Variants in LAMA4 observed in about 807,000 individuals in gnomAD.
LAMA4 encodes the protein laminin subunit alpha-4.
A neutral mutation model predicts 207.1 loss-of-function variants in LAMA4; 127 were observed. That is an observed-to-expected ratio of 0.61 (90% CI 0.53 to 0.71). The LOEUF (loss-of-function observed/expected upper bound fraction) is 0.71. LAMA4 is among the 30% of genes least tolerant of loss of function. The pLI is 0.00. For missense variants in LAMA4, 2,093 were observed against 2,246.5 expected, an observed-to-expected ratio of 0.93 and a Z score of 1.38; for synonymous variants, 761 against 816.0, an observed-to-expected ratio of 0.93 and a Z score of 1.15.
chr6:112,173,416 T>C (rs1453053527), intron 11 of LAMA4, among the ~76,000 whole-genome samples: 3 of 152,254 alleles, frequency 2.0e-5, no homozygotes, highest in African/African-American at 7.2e-5. Context: ...AATATTAGCT[T>C]GTCTTGTTGA....
In LAMA4 at chr6:112,253,903, GC is replaced by G. The variant is rs1219170240; in HGVS notation, c.195+52del. On this transcript the variant is annotated intron_variant, in intron 2 of 38. Transcript: ENST00000230538. ...GAGAGAGAAGGACGAGTGTGGCACA[GC>G]CCGCGGGGGCGCAGGTGCCCCAGCA... The G allele has an allele frequency of 3.7e-6, 6 of 1,613,418 alleles. No homozygotes were observed. In the Admixed American group the frequency reaches 6.7e-5, roughly 18 times the overall value.
chr6:112,174,109 G>A (rs1781877953), intron 11 of LAMA4, among the ~76,000 whole-genome samples: 2 of 152,210 alleles, frequency 1.3e-5, no homozygotes, highest in East Asian at 3.9e-4. Flanking sequence ...TGATTGTGTA[G>A]ATTAAACCAA....
At chr6:112,233,262 AT>A (rs1201225581) in intron 2 of LAMA4, among the ~76,000 whole-genome samples, 4 of 152,208 alleles carry the variant, frequency 2.6e-5, no homozygotes, top group African/African-American at 7.2e-5. Context: ...GGATTTCAGT[AT>A]TTGGTATGGT....
chr6:112,167,847 CA>C (rs1554340510), intron 12 of LAMA4, among the ~76,000 whole-genome samples: 15 of 22,098 alleles, frequency 6.8e-4, no homozygotes, highest in Non-Finnish European at 2.3e-4. Flanking sequence ...CCATCACACA[CA>C]CACACACACA....
At chr6:112,211,881 C>T (rs781802481) in intron 3 of LAMA4, among the ~76,000 whole-genome samples, 10 of 152,102 alleles carry the variant, frequency 6.6e-5, no homozygotes, top group South Asian at 2.1e-4. Flanking sequence ...TTTTGAAAGA[C>T]GTCTCCATTG....
At chr6:112,249,441 C>CAAAA (rs71762704) in intron 2 of LAMA4, among the ~76,000 whole-genome samples, 3 of 52,752 alleles carry the variant, frequency 5.7e-5, no homozygotes, top group Non-Finnish European at 7.8e-5. Flanking sequence ...GACTCTGTTT[C>CAAAA]AAAAAAAAAA....
chr6:112,154,357 C>CAA (rs55988988), intron 16 of LAMA4, among the ~76,000 whole-genome samples: 28,107 of 119,618 alleles, frequency 0.23, 2,708 homozygotes, highest in East Asian at 0.39. Context: ...ACACAAACTA[C>CAA]AAAAAAAAAA....
chr6:112,169,497 C>A (rs1268268050), intron 12 of LAMA4, among the ~76,000 whole-genome samples: 1 of 152,178 alleles, frequency 6.6e-6, no homozygotes, highest in Non-Finnish European at 1.5e-5. Context: ...AAATAAATCC[C>A]TTTTAAGGAC....
At chr6:112,191,565 T>C in intron 6 of LAMA4, 71 bp downstream of exon 6, 1 of 1,129,790 alleles carries the variant, frequency 8.9e-7, no homozygotes, top group Non-Finnish European at 1.3e-6. Flanking sequence ...AGAGAAATTC[T>C]TCATCTAAAT....
At chr6:112,252,335 C>T (rs9481242) in intron 2 of LAMA4, among the ~76,000 whole-genome samples, 199 of 152,264 alleles carry the variant, frequency 1.3e-3, no homozygotes, top group African/African-American at 4.6e-3. Flanking sequence ...TATTATTTCA[C>T]CAAACATATG....
intron 2 of LAMA4, among the ~76,000 whole-genome samples, chr6:112,250,149 A>C (rs782789363): frequency 4.6e-4 from 70 of 152,202 alleles, no homozygotes; most frequent in Non-Finnish European, 2.8e-4. Flanking sequence ...TACCTAATTG[A>C]ATTGTTGGAA....
At chr6:112,190,939 C>CTT (rs1188045214) in intron 6 of LAMA4, among the ~76,000 whole-genome samples, 3 of 46,014 alleles carry the variant, frequency 6.5e-5, no homozygotes, top group East Asian at 6.0e-4. Context: ...TTCTTTCTTT[C>CTT]TTTCTTTCCT....
chr6:112,143,284 C>CTTT (rs61620762), intron 19 of LAMA4, among the ~76,000 whole-genome samples: 1,569 of 124,866 alleles, frequency 0.013, 38 homozygotes, highest in East Asian at 0.073. Context: ...AAAACTAATA[C>CTTT]TTTTTTTTTT....
At chr6:112,183,882 C>T (rs1209763602) in intron 9 of LAMA4, among the ~76,000 whole-genome samples, 6 of 138,476 alleles carry the variant, frequency 4.3e-5, no homozygotes, top group Non-Finnish European at 7.6e-5. Flanking sequence ...ACCCGGGAGG[C>T]GGAGGCTGCA....
intron 13 of LAMA4, among the ~76,000 whole-genome samples, chr6:112,162,636 T>G (rs1388701666): frequency 6.6e-6 from 1 of 151,346 alleles, no homozygotes; most frequent in Non-Finnish European, 1.5e-5. Context: ...GGGGAAGGAG[T>G]GGGTTTTATT....
rs781992574 is a variant in LAMA4, at chr6:112,144,831, C to T, written c.2456G>A (p.Arg819Gln). ...SNVSASIQRI[R>Q]ELIAQTRSVA... Reference sequence around the variant, plus strand: ...ACTTCTGGTCTGAGCAATGAGCTCTCGGATCCTCTGGATGCTGGCAGAAAC... The same window carrying T: ...ACTTCTGGTCTGAGCAATGAGCTCTTGGATCCTCTGGATGCTGGCAGAAAC... The change falls in exon 19 of 39, where the codon CGA (arginine) becomes CAA (glutamine). Residue 819 changes from arginine to glutamine, a missense_variant. Transcript: ENST00000230538. 2 of 1,613,832 alleles carry T rather than the reference C, an allele frequency of 1.2e-6. No individual in the cohort carries two copies. The highest frequency in any genetic ancestry group is 1.3e-5 in the African/African-American group (1 of 75,042).
Position 112,254,179 on chromosome 6 carries a change from C to T in LAMA4, c.-29G>A. ...TCCGCTGACATCCAGTAGTGCTCTT[C>T]CAGGGCTCGGGCGCTGTGGGTCTCC... On this transcript the variant is annotated 5_prime_UTR_variant, in exon 2 of 39. The change creates a premature stop within an existing upstream ORF in the 5' untranslated region. Transcript: ENST00000230538. 1 of 1,611,840 alleles carries T rather than the reference C, an allele frequency of 6.2e-7. No individual in the cohort carries two copies. Among genetic ancestry groups the T allele is most frequent in the South Asian group, 1.1e-5 (1 of 90,738 alleles).
rs201942915 is a variant in LAMA4, at chr6:112,172,656, G to A, written c.1506C>T (p.Ala502=). The A allele has an allele frequency of 2.7e-5, 44 of 1,613,180 alleles. No individual in the cohort carries two copies. Among genetic ancestry groups the A allele is most frequent in the East Asian group, 4.5e-5 (2 of 44,870 alleles). Residue 502 remains alanine (A), a synonymous_variant, in exon 12 of 39, where the codon GCC becomes GCT. Transcript: ENST00000230538. Reference sequence around the variant, plus strand: ...CTGCTGTGGCCCTGTTCATGTCTTCGGCATCCCTGACATAGTTAAGGGCCT... The same window carrying A: ...CTGCTGTGGCCCTGTTCATGTCTTCAGCATCCCTGACATAGTTAAGGGCCT... ...LDQALNYVRD[A]EDMNRATAAR... is the part of the protein sequence containing the mutation.
intron 6 of LAMA4, among the ~76,000 whole-genome samples, chr6:112,191,005 T>C (rs1247036766): frequency 6.6e-6 from 1 of 150,626 alleles, no homozygotes; most frequent in East Asian, 1.9e-4. Flanking sequence ...CTTTCTTTCT[T>C]TCTCTCTTTC....
Sources: gnomAD v4.1 joint callset for allele counts (sites outside exome capture counted in the v4.1 genomes callset) on GRCh38, gnomAD v4.1.1 for gene constraint, MANE v1.5 for transcripts, NCBI Gene and HGNC (gene_info 2026-07-23, HGNC 2026-07-21) for gene names.